The following RPS6KA5 variants were observed in gnomAD, a reference collection of about 807,000 sequenced individuals.
RPS6KA5 encodes ribosomal protein S6 kinase A5.
Under a neutral mutation model 85.5 loss-of-function variants are expected in RPS6KA5, and 27 were observed. The ratio of observed to expected loss-of-function variants is 0.32; its 90% confidence interval spans 0.23 to 0.44. RPS6KA5 has a LOEUF of 0.44. Ranked by LOEUF, RPS6KA5 falls within the 20% of genes least tolerant of loss-of-function variation. The pLI, the probability that RPS6KA5 is intolerant of heterozygous loss-of-function variation, is 1.00. For missense variants in RPS6KA5, 811 were observed against 980.9 expected (o/e 0.83, Z 2.31); for synonymous variants, 334 against 348.2 (o/e 0.96, Z 0.46).
intron 1 of RPS6KA5, among the ~76,000 whole-genome samples, chr14:91,020,192 T>A (rs556101835): frequency 3.0e-5 from 1 of 33,090 alleles, no homozygotes; most frequent in Non-Finnish European, 6.6e-5. Flanking sequence ...TTTATGTGGG[T>A]GTGTGTGTGT....
intron 1 of RPS6KA5, among the ~76,000 whole-genome samples, chr14:91,056,041 T>C (rs2043302818): frequency 6.6e-6 from 1 of 152,178 alleles, no homozygotes; most frequent in African/African-American, 2.4e-5. Flanking sequence ...ATCAAGAAGC[T>C]TCCTGTGTTA....
At chr14:90,907,578 T>C (rs2035581323) in intron 7 of RPS6KA5, among the ~76,000 whole-genome samples, 1 of 152,190 alleles carries the variant, frequency 6.6e-6, no homozygotes, top group Non-Finnish European at 1.5e-5. Flanking sequence ...CCACTGAGAA[T>C]CAGTGAAATG....
rs977524735 is a variant in RPS6KA5 at position 90,859,779 on chromosome 14, A to G, written c.*12295T>C. The G allele has an allele frequency of 5.3e-5, 8 of 152,246 alleles. No individual in the cohort carries two copies. Among genetic ancestry groups the G allele is most frequent in the Admixed American group, 3.9e-4 (6 of 15,282 alleles). 9.4% of individuals were successfully genotyped at this position (152,246 alleles called of 1,614,324 possible). A position where few individuals can be genotyped will look rare whatever the true frequency, so the allele number is the denominator to read the frequency against. On this transcript the variant is annotated 3_prime_UTR_variant, in exon 17 of 17. Transcript: ENST00000614987. ...GTTAAGAATTCTAATAAGGAAGGAC[A>G]TCAACCAACAGATTCAGGAAGTTTA...
intron 1 of RPS6KA5, among the ~76,000 whole-genome samples, chr14:91,045,643 T>C (rs779945673): frequency 4.6e-5 from 7 of 152,212 alleles, no homozygotes; most frequent in Admixed American, 2.6e-4. Context: ...TCTAAACCTT[T>C]ATATTCCATT....
intron 6 of RPS6KA5, among the ~76,000 whole-genome samples, chr14:90,921,335 T>C (rs111269358): frequency 1.2e-4 from 18 of 152,174 alleles, no homozygotes; most frequent in Non-Finnish European, 2.6e-4. Flanking sequence ...GCACTTTGCA[T>C]ACATTATATC....
chr14:90,931,820 T>A (rs541504375), intron 5 of RPS6KA5, among the ~76,000 whole-genome samples: 1 of 152,284 alleles, frequency 6.6e-6, no homozygotes, highest in Admixed American at 6.5e-5. Context: ...ACTGGATAAC[T>A]AATATAAAGG....
chr14:90,926,661 T>G (rs1434472457), intron 5 of RPS6KA5, among the ~76,000 whole-genome samples: 4 of 107,976 alleles, frequency 3.7e-5, no homozygotes, highest in African/African-American at 1.8e-4. Flanking sequence ...ATATATATAT[T>G]TAAGTGTGTG....
At position 90,920,236 on chromosome 14, in the gene RPS6KA5, C is replaced by T; in HGVS notation, c.776G>A (p.Gly259Glu). The change falls in exon 7 of 17, where the codon GGA becomes GAA. Residue 259 changes from glycine (G) to glutamate (E), a missense_variant. Coordinates refer to ENST00000614987, the MANE Select transcript of RPS6KA5 (RefSeq NM_004755.4). Reference protein sequence around the residue: ...LTGASPFTVDGEKNSQAEISR... With the variant: ...LTGASPFTVDEEKNSQAEISR... The stretch of plus-strand genomic sequence containing the variant: ...TATCTCAGCTTGGGAATTTTTTTCT[C>T]CATCAACAGTGAAAGGAGATGCTCC... 6.2e-7 allele frequency: 1 copy of T among 1,611,760 alleles called. No individual in the cohort carries two copies. Among genetic ancestry groups the T allele is most frequent in the Non-Finnish European group, 8.5e-7 (1 of 1,178,428 alleles).
chr14:91,004,084 T>C (rs2040901082), intron 1 of RPS6KA5, among the ~76,000 whole-genome samples: 1 of 152,158 alleles, frequency 6.6e-6, no homozygotes, highest in Non-Finnish European at 1.5e-5. Context: ...TTGTTTTTTG[T>C]TTTGTTTTTT....
At chr14:90,953,054 C>A (rs904985955) in intron 3 of RPS6KA5, among the ~76,000 whole-genome samples, 1 of 152,148 alleles carries the variant, frequency 6.6e-6, no homozygotes, top group African/African-American at 2.4e-5. Flanking sequence ...AGAAAACGAA[C>A]AAGCCTTCAG....
intron 11 of RPS6KA5, among the ~76,000 whole-genome samples, chr14:90,899,856 T>C (rs1489353534): frequency 6.6e-6 from 1 of 152,216 alleles, no homozygotes; most frequent in East Asian, 1.9e-4. Context: ...AATATGTCAC[T>C]GTCACAAAGA....
At chr14:91,048,288 T>C (rs972981283) in intron 1 of RPS6KA5, among the ~76,000 whole-genome samples, 2 of 152,214 alleles carry the variant, frequency 1.3e-5, no homozygotes, top group Non-Finnish European at 2.9e-5. Flanking sequence ...CCAAATTCAC[T>C]TTCTATATTC....
rs1414653809 is a variant in RPS6KA5, at chr14:91,041,877, T to G, written c.103+18455A>C. On this transcript the variant is annotated intron_variant, in intron 1 of 16. Transcript: ENST00000614987. ...TCCAACCGATTTTGGAATTACATGA[T>G]TGAGCCAGTATGAAAGCTGAGTCAA... 2.0e-5 allele frequency among the ~76,000 whole-genome samples: 3 copies of G among 152,270 alleles called. 1 individual carries two copies. The highest frequency in any genetic ancestry group is 7.2e-5 in the African/African-American group (3 of 41,476).
At chr14:90,915,171 C>A (rs550444885) in intron 7 of RPS6KA5, among the ~76,000 whole-genome samples, 1 of 152,222 alleles carries the variant, frequency 6.6e-6, no homozygotes, top group South Asian at 2.1e-4. Context: ...CAACATATCT[C>A]AAAATTAATT....
chr14:90,897,960 C>A (rs926218524), intron 12 of RPS6KA5, among the ~76,000 whole-genome samples: 6 of 152,106 alleles, frequency 3.9e-5, no homozygotes, highest in African/African-American at 1.4e-4. Context: ...CTTGATGAGG[C>A]AAGAGGAGGT....
chr14:90,883,057 C>A (rs922601994), intron 14 of RPS6KA5, among the ~76,000 whole-genome samples: 1 of 152,118 alleles, frequency 6.6e-6, no homozygotes, highest in African/African-American at 2.4e-5. Flanking sequence ...CTCGGCCTCC[C>A]AAAGTGCTAG....
chr14:91,031,527 C>A (rs1233592107), intron 1 of RPS6KA5, among the ~76,000 whole-genome samples: 1 of 152,082 alleles, frequency 6.6e-6, no homozygotes, highest in Non-Finnish European at 1.5e-5. Context: ...AGAGACGGAA[C>A]AGAGTTCCAC....
intron 3 of RPS6KA5, 116 bp downstream of exon 3, chr14:90,978,190 G>A (rs561606772): frequency 2.8e-6 from 2 of 710,616 alleles, no homozygotes; most frequent in Admixed American, 6.8e-5. Context: ...CAAAGAATGA[G>A]AATCAAAATA....
chr14:91,059,383 C>CA (rs1194660732), intron 1 of RPS6KA5, among the ~76,000 whole-genome samples: 1 of 150,838 alleles, frequency 6.6e-6, no homozygotes, highest in Non-Finnish European at 1.5e-5. Flanking sequence ...GCAGCTCTGT[C>CA]AAAAACCTTC....
Sources: allele counts gnomAD v4.1 joint callset (sites outside exome capture counted in the v4.1 genomes callset), GRCh38; gene constraint gnomAD v4.1.1; transcripts MANE v1.5; gene names NCBI Gene and HGNC (gene_info 2026-07-23, HGNC 2026-07-21).